RAP1GDS1: variants seen among roughly 807,000 people sequenced by gnomAD.
RAP1GDS1 encodes Rap1 GTPase-GDP dissociation stimulator 1.
In RAP1GDS1, 35 loss-of-function variants were observed where a neutral mutation model predicts 71.1. The observed-to-expected ratio is 0.49, with a 90% confidence interval of 0.38 to 0.65. The LOEUF (loss-of-function observed/expected upper bound fraction) is 0.65, where lower values mean the gene tolerates loss of function less well. RAP1GDS1 is among the 30% of genes least tolerant of loss of function. RAP1GDS1 has a pLI of 0.00. For missense variants in RAP1GDS1, 663 were observed against 706.1 expected (o/e 0.94, Z 0.69); for synonymous variants, 229 against 243.1 (o/e 0.94, Z 0.54).
At chr4:98,267,862 C>A (rs1722913150) in intron 1 of RAP1GDS1, among the ~76,000 whole-genome samples, 1 of 152,118 alleles carries the variant, frequency 6.6e-6, no homozygotes, top group Admixed American at 6.5e-5. Flanking sequence ...GAAATATACC[C>A]AGTAATGGGA....
At chr4:98,424,790 AG>A in intron 12 of RAP1GDS1, among the ~76,000 whole-genome samples, 2 of 131,190 alleles carry the variant, frequency 1.5e-5, no homozygotes, top group Non-Finnish European at 1.7e-5. Flanking sequence ...AAAAAAACAA[AG>A]AAAACTTTTG....
At chr4:98,333,976 G>T (rs763294324) in intron 2 of RAP1GDS1, among the ~76,000 whole-genome samples, 1 of 152,090 alleles carries the variant, frequency 6.6e-6, no homozygotes, top group South Asian at 2.1e-4. Flanking sequence ...ATATAATCCT[G>T]TCTGACCAGT....
chr4:98,424,999 A>T (rs1561001361), intron 12 of RAP1GDS1, among the ~76,000 whole-genome samples: 1 of 152,228 alleles, frequency 6.6e-6, no homozygotes, highest in Non-Finnish European at 1.5e-5. Flanking sequence ...AGCACGAGGT[A>T]ACCTATAAAG....
chr4:98,371,379 C>T (rs538007186), intron 4 of RAP1GDS1, among the ~76,000 whole-genome samples: 111 of 151,828 alleles, frequency 7.3e-4, no homozygotes, highest in Non-Finnish European at 1.3e-3. Flanking sequence ...CTCCCCAAAT[C>T]CTGGGATTCC....
At chr4:98,371,036 C>G (rs777277865) in intron 4 of RAP1GDS1, among the ~76,000 whole-genome samples, 4 of 151,854 alleles carry the variant, frequency 2.6e-5, no homozygotes, top group Non-Finnish European at 5.9e-5. Context: ...TGGATTTATC[C>G]CTAGTTTTAT....
At position 98,285,962 on chromosome 4, in the gene RAP1GDS1, A is replaced by G. The variant is rs953393097; in HGVS notation, c.5-7446A>G. ...TCATATTTATTATAATAATGGGCAC[A>G]TTTTATTAAGATTATTGCCATGGCT... On this transcript the variant is annotated intron_variant, in intron 1 of 14. Coordinates refer to ENST00000408927, the MANE Select transcript of RAP1GDS1 (RefSeq NM_001100427.2). Among the ~76,000 whole-genome samples the G allele has an allele frequency of 2.7e-5, 4 of 149,510 alleles. No homozygotes were observed. In the Admixed American group the frequency reaches 2.7e-4, roughly 10 times the overall value.
At chr4:98,286,770 C>T (rs1726095390) in intron 1 of RAP1GDS1, among the ~76,000 whole-genome samples, 1 of 151,196 alleles carries the variant, frequency 6.6e-6, no homozygotes, top group South Asian at 2.1e-4. Flanking sequence ...CCTGTAATCC[C>T]AGCTGTTTGG....
chr4:98,279,974 T>C (rs1047890461), intron 1 of RAP1GDS1, among the ~76,000 whole-genome samples: 1 of 152,258 alleles, frequency 6.6e-6, no homozygotes, highest in Non-Finnish European at 1.5e-5. Flanking sequence ...ATCCATGGTG[T>C]ATATGTGCCA....
intron 2 of RAP1GDS1, among the ~76,000 whole-genome samples, chr4:98,342,473 G>T: frequency 6.7e-6 from 1 of 149,320 alleles, no homozygotes; most frequent in East Asian, 1.9e-4. Context: ...GAAGTAGCTT[G>T]TTTTTATAGG....
chr4:98,387,903 A>C (rs944284844), intron 5 of RAP1GDS1, among the ~76,000 whole-genome samples: 1 of 152,160 alleles, frequency 6.6e-6, no homozygotes, highest in African/African-American at 2.4e-5. Context: ...TAATCTGCCT[A>C]ATGTATCTAG....
intron 1 of RAP1GDS1, among the ~76,000 whole-genome samples, chr4:98,272,402 G>A (rs1723600383): frequency 6.6e-6 from 1 of 152,102 alleles, no homozygotes; most frequent in Admixed American, 6.6e-5. Flanking sequence ...CCTAAAAGTT[G>A]TCGAGATGCT....
intron 4 of RAP1GDS1, 26 bp downstream of exon 4, chr4:98,352,627 A>G: frequency 6.2e-7 from 1 of 1,607,188 alleles, no homozygotes; most frequent in Non-Finnish European, 8.5e-7. Flanking sequence ...TCAATAATAC[A>G]CATACATTTT....
At chr4:98,397,127 A>C (rs1281765745) in intron 6 of RAP1GDS1, among the ~76,000 whole-genome samples, 1 of 152,198 alleles carries the variant, frequency 6.6e-6, no homozygotes, top group Non-Finnish European at 1.5e-5. Flanking sequence ...ATGCACAATA[A>C]TATTAAAGAG....
intron 1 of RAP1GDS1, among the ~76,000 whole-genome samples, chr4:98,286,508 A>T (rs1348135061): frequency 6.6e-6 from 1 of 152,182 alleles, no homozygotes; most frequent in Non-Finnish European, 1.5e-5. Context: ...ATCATCTGTC[A>T]GATTCTTCAC....
At chr4:98,315,652 G>A (rs930679162) in intron 2 of RAP1GDS1, among the ~76,000 whole-genome samples, 2 of 152,070 alleles carry the variant, frequency 1.3e-5, no homozygotes, top group Non-Finnish European at 2.9e-5. Flanking sequence ...TACATGCAAG[G>A]AAGGGTCAAG....
In RAP1GDS1 at chr4:98,324,093, T is replaced by C. The variant is rs535610935; in HGVS notation, c.113-19046T>C. On this transcript the variant is annotated intron_variant, in intron 2 of 14. Coordinates refer to ENST00000408927, the MANE Select transcript of RAP1GDS1 (RefSeq NM_001100427.2). ...AAAGTCTCAGGATACAAAATCAATG[T>C]ACAAAAATCACAAGCATTCTTATAC... 2.0e-5 allele frequency among the ~76,000 whole-genome samples: 3 copies of C among 151,006 alleles called. No homozygotes were observed. The South Asian group carries it at 6.4e-4, about 32-fold the overall frequency.
At chr4:98,263,047 A>C (rs1009919170) in intron 1 of RAP1GDS1, among the ~76,000 whole-genome samples, 7 of 152,188 alleles carry the variant, frequency 4.6e-5, no homozygotes, top group Admixed American at 2.0e-4. Context: ...TAGATTTTTA[A>C]ATAGGTATTA....
At chr4:98,387,094 A>G (rs927354175) in intron 5 of RAP1GDS1, among the ~76,000 whole-genome samples, 9 of 152,176 alleles carry the variant, frequency 5.9e-5, no homozygotes, top group Non-Finnish European at 1.2e-4. Context: ...TTTTTAATGC[A>G]AGCCTGTAAA....
chr4:98,381,510 T>G (rs1742021793), intron 5 of RAP1GDS1, among the ~76,000 whole-genome samples: 1 of 151,700 alleles, frequency 6.6e-6, no homozygotes, highest in East Asian at 1.9e-4. Context: ...ACTTAAATAT[T>G]ACATCATCTT....
Sources: gnomAD v4.1 joint callset for allele counts (sites outside exome capture counted in the v4.1 genomes callset) on GRCh38, gnomAD v4.1.1 for gene constraint, MANE v1.5 for transcripts, NCBI Gene and HGNC (gene_info 2026-07-23, HGNC 2026-07-21) for gene names.